Variants in PTBP3 observed in about 807,000 individuals in gnomAD.
PTBP3 encodes polypyrimidine tract-binding protein 3.
In PTBP3, 20 loss-of-function variants were observed where a neutral mutation model predicts 58.7. The observed-to-expected ratio is 0.34, with a 90% CI of 0.24 to 0.50. PTBP3 has a LOEUF of 0.50. PTBP3 is among the 20% of genes least tolerant of loss of function. The probability of loss-of-function intolerance (pLI) is 0.98; values close to 1 mark genes in which losing one functional copy is unlikely to be tolerated. For missense variants in PTBP3, 509 were observed against 637.2 expected, an observed-to-expected ratio of 0.80 and a Z score of 2.17; for synonymous variants, 185 against 219.8, an observed-to-expected ratio of 0.84 and a Z score of 1.40.
At chr9:112,267,848 G>A (rs1827164606) in intron 4 of PTBP3, among the ~76,000 whole-genome samples, 1 of 152,082 alleles carries the variant, frequency 6.6e-6, no homozygotes, top group Non-Finnish European at 1.5e-5. Context: ...ACAGTTTCAA[G>A]AGAAAAAATT....
At chr9:112,270,782 T>C (rs548945683) in intron 3 of PTBP3, among the ~76,000 whole-genome samples, 79 of 152,282 alleles carry the variant, frequency 5.2e-4, no homozygotes, top group African/African-American at 1.8e-3. Flanking sequence ...CAGACTCACA[T>C]GGCTTTAGTG....
chr9:112,355,419 T>G, the PTBP3 span, among the ~76,000 whole-genome samples: 2 of 152,128 alleles, frequency 1.3e-5, no homozygotes, highest in African/African-American at 4.8e-5. Flanking sequence ...TAGGTCCAGC[T>G]GCATACAACA....
Position 112,223,130 on chromosome 9 carries a change from T to C in PTBP3, c.*721A>G. 1 of 880,780 alleles carries C rather than the reference T, an allele frequency of 1.1e-6. No individual in the cohort carries two copies. Among genetic ancestry groups the C allele is most frequent in the South Asian group, 5.2e-5 (1 of 19,050 alleles). 54.6% of individuals were successfully genotyped at this position (880,780 alleles called of 1,614,324 possible). A position where few individuals can be genotyped will look rare whatever the true frequency, so the allele number is the denominator to read the frequency against. ...AATTATTAGTTATTCTGACATCTTA[T>C]TAACAGATCTTAGTTGAATTCCACT... On this transcript the variant is annotated 3_prime_UTR_variant, in exon 14 of 14. Transcript: ENST00000374257.
At chr9:112,330,896 C>T (rs1830341748) in intron 1 of PTBP3, among the ~76,000 whole-genome samples, 1 of 152,102 alleles carries the variant, frequency 6.6e-6, no homozygotes, top group South Asian at 2.1e-4. Flanking sequence ...AAATAGAAGG[C>T]ATCTTGCAAA....
chr9:112,231,988 A>G lies in PTBP3; in HGVS notation c.1020+111T>C, dbSNP rs1261908894. ...AGAAGAGAGAAGAGAAGAGAAGAGA[A>G]GAGAAGAGAAGAGAAGAGAAGAGAA... is the stretch of plus-strand genomic sequence containing the variant. On this transcript the variant is annotated intron_variant, in intron 9 of 13. Transcript: ENST00000374257. The G allele has an allele frequency of 3.1e-5, 16 of 514,510 alleles. No individual in the cohort carries two copies. In the African/African-American group the frequency reaches 7.1e-4, roughly 23 times the overall value. The allele number at this position is 514,510 out of a possible 1,614,324, so 31.9% of individuals were successfully genotyped here.
In PTBP3 at chr9:112,221,058, A is replaced by C; in HGVS notation, c.*2793T>G. ...AAATACTGTAGACCTCTATAATTCA[A>C]ACAGCAAATAGCTTAATATGGACAA... is the stretch of plus-strand genomic sequence containing the variant. On this transcript the variant is annotated 3_prime_UTR_variant, in exon 14 of 14. Coordinates refer to ENST00000374257, the MANE Select transcript of PTBP3 (RefSeq NM_001163788.4). The C allele has an allele frequency of 1.0e-6, 1 of 983,742 alleles. No homozygotes were observed. The highest frequency in any genetic ancestry group is 1.1e-4 in the East Asian group (1 of 8,814). The allele number at this position is 983,742 out of a possible 1,614,324, so 60.9% of individuals were successfully genotyped here. A position where few individuals can be genotyped will look rare whatever the true frequency, so the allele number is the denominator to read the frequency against.
Position 112,221,974 on chromosome 9 carries a change from T to C in PTBP3, c.*1877A>G. 1.1e-6 allele frequency: 1 copy of C among 925,016 alleles called. No individual in the cohort carries two copies. 57.3% of individuals were successfully genotyped at this position (925,016 alleles called of 1,614,324 possible). A position where few individuals can be genotyped will look rare whatever the true frequency, so the allele number is the denominator to read the frequency against. On this transcript the variant is annotated 3_prime_UTR_variant, in exon 14 of 14. Coordinates refer to ENST00000374257, the MANE Select transcript of PTBP3 (RefSeq NM_001163788.4). ...CTGGAGTGAAGTGGCTATTCACAAA[T>C]GTGATCATAGCGCACTGCAGCCTTG...
chr9:112,261,786 T>TC lies in PTBP3; in HGVS notation c.516+648dup, dbSNP rs1460402346. On this transcript the variant is annotated intron_variant, in intron 5 of 13. Transcript: ENST00000374257. Reference sequence around the variant, plus strand: ...CAAAAACAAAACATGGGAAATTACATCAGGAAGCTTCAATTCTAATTGGCT... The same window carrying TC: ...CAAAAACAAAACATGGGAAATTACATCCAGGAAGCTTCAATTCTAATTGGCT... 6.6e-5 allele frequency among the ~76,000 whole-genome samples: 10 copies of TC among 152,352 alleles called. No homozygotes were observed. The East Asian group carries it at 1.9e-3, about 29-fold the overall frequency.
the PTBP3 span, among the ~76,000 whole-genome samples, chr9:112,359,365 A>C: frequency 6.6e-6 from 1 of 151,792 alleles, no homozygotes; most frequent in African/African-American, 2.4e-5. Context: ...AGAATAGCTT[A>C]ACCCCAGGAG....
the PTBP3 span, among the ~76,000 whole-genome samples, chr9:112,355,951 T>TTTTCTTTCA: frequency 1.1e-5 from 1 of 92,458 alleles, no homozygotes; most frequent in South Asian, 3.4e-4. Context: ...CTTTTCTTTC[T>TTTTCTTTCA]TTCTTTCTCT....
intron 9 of PTBP3, 74 bp downstream of exon 9, chr9:112,232,019 GAAAAGA>G (rs1322179560): frequency 0.046 from 19,851 of 428,462 alleles, 1,090 homozygotes; most frequent in African/African-American, 0.094. Context: ...GAGAAGAGAA[GAAAAGA>G]AAAGAAAGAA....
At chr9:112,343,935 T>A in the PTBP3 span, among the ~76,000 whole-genome samples, 2 of 152,200 alleles carry the variant, frequency 1.3e-5, no homozygotes, top group Non-Finnish European at 1.5e-5. Context: ...TTTACCCATT[T>A]TTTTTCATAT....
intron 7 of PTBP3, among the ~76,000 whole-genome samples, chr9:112,243,277 A>G (rs10759541): frequency 0.56 from 84,500 of 151,920 alleles, 25,221 homozygotes; most frequent in African/African-American, 0.79. Flanking sequence ...GAGGTGGCTC[A>G]CGTCTGTAAT....
intron 5 of PTBP3, among the ~76,000 whole-genome samples, chr9:112,255,895 C>G (rs1224573743): frequency 6.6e-6 from 1 of 152,164 alleles, no homozygotes; most frequent in African/African-American, 2.4e-5. Flanking sequence ...CCATAAAATT[C>G]TCAGCCTCCC....
At chr9:112,360,729 G>A in the PTBP3 span, among the ~76,000 whole-genome samples, 4 of 151,808 alleles carry the variant, frequency 2.6e-5, no homozygotes, top group Non-Finnish European at 5.9e-5. Context: ...CTAACAGTAG[G>A]TTACGATCCA....
chr9:112,239,109 C>T (rs926141913), intron 7 of PTBP3, among the ~76,000 whole-genome samples: 1 of 152,032 alleles, frequency 6.6e-6, no homozygotes, highest in African/African-American at 2.4e-5. Context: ...TCCAAGTGTC[C>T]TAATTTCTTC....
chr9:112,372,894 GCTTT>G, the PTBP3 span, among the ~76,000 whole-genome samples: 15 of 150,588 alleles, frequency 1.0e-4, no homozygotes, highest in Non-Finnish European at 1.5e-4. Context: ...GAATTCATAG[GCTTT>G]CTTTTTTTTT....
At chr9:112,356,874 CTTTT>C in the PTBP3 span, among the ~76,000 whole-genome samples, 424 of 91,516 alleles carry the variant, frequency 4.6e-3, 6 homozygotes, top group African/African-American at 0.018. Context: ...TCATTTCCCT[CTTTT>C]TTTTTTTTTT....
chr9:112,347,091 T>G, the PTBP3 span, among the ~76,000 whole-genome samples: 1 of 152,306 alleles, frequency 6.6e-6, no homozygotes, highest in South Asian at 2.1e-4. Flanking sequence ...TGAAAAAATA[T>G]TCATAGCATC....
Sources: gnomAD v4.1 joint callset for allele counts (sites outside exome capture counted in the v4.1 genomes callset) on GRCh38, gnomAD v4.1.1 for gene constraint, MANE v1.5 for transcripts, NCBI Gene and HGNC (gene_info 2026-07-23, HGNC 2026-07-21) for gene names.